Variants in CDH6 observed in about 807,000 individuals in gnomAD.
CDH6 encodes cadherin 6.
In CDH6, 31 loss-of-function variants were observed where a neutral mutation model predicts 78.0. The ratio of observed to expected loss-of-function variants is 0.40; its 90% confidence interval spans 0.30 to 0.54. The LOEUF is 0.54. Ranked by LOEUF, CDH6 falls within the 20% of genes least tolerant of loss-of-function variation. The pLI is 0.56. For missense variants in CDH6, 724 were observed against 975.9 expected (o/e 0.74, Z 3.44); for synonymous variants, 376 against 368.8 (o/e 1.02, Z -0.23).
intron 2 of CDH6, among the ~76,000 whole-genome samples, chr5:31,283,091 G>T (rs760945549): frequency 6.6e-6 from 1 of 152,118 alleles, no homozygotes; most frequent in Non-Finnish European, 1.5e-5. Flanking sequence ...TGACCCCAGG[G>T]GACATTTGGA....
At chr5:31,227,085 G>A (rs1370011189) in intron 1 of CDH6, among the ~76,000 whole-genome samples, 1 of 152,124 alleles carries the variant, frequency 6.6e-6, no homozygotes, top group Non-Finnish European at 1.5e-5. Flanking sequence ...TTAAAACAGG[G>A]CTCCTCAAAC....
At chr5:31,274,092 G>A (rs1354734149) in intron 2 of CDH6, among the ~76,000 whole-genome samples, 1 of 152,112 alleles carries the variant, frequency 6.6e-6, no homozygotes, top group Admixed American at 6.6e-5. Context: ...CTATGAGTTA[G>A]CACATTTAAG....
chr5:31,318,797 C>T (rs1027326375), intron 11 of CDH6: 1 of 225,268 alleles, frequency 4.4e-6, no homozygotes, highest in Non-Finnish European at 8.9e-6. Flanking sequence ...GGGGGAAATA[C>T]TCTTTTTTAA....
rs958359089 is a variant in CDH6, at chr5:31,313,363, T to C, written c.1299T>C (p.Ile433=). The C allele has an allele frequency of 9.3e-6, 15 of 1,613,346 alleles. No individual in the cohort carries two copies. The highest frequency in any genetic ancestry group is 1.3e-5 in the Non-Finnish European group (15 of 1,179,278). ...CAGATATGGACAGAATATTCAACAT[T>C]GATTCTGGAAATGGTTCGATTTTTA... ...RHTDMDRIFN[I]DSGNGSIFTS... The change falls in exon 8 of 12, where the codon ATT becomes ATC. Residue 433 remains isoleucine, a synonymous_variant. Transcript: ENST00000265071.
At chr5:31,218,591 C>T (rs182356212) in intron 1 of CDH6, among the ~76,000 whole-genome samples, 3 of 152,278 alleles carry the variant, frequency 2.0e-5, no homozygotes, top group Admixed American at 6.5e-5. Flanking sequence ...GTGAGCCCCA[C>T]ATTCAGCCCA....
intron 1 of CDH6, among the ~76,000 whole-genome samples, chr5:31,240,703 A>C (rs373101631): frequency 1.3e-5 from 2 of 152,236 alleles, no homozygotes; most frequent in African/African-American, 4.8e-5. Flanking sequence ...ACAGAGTGCT[A>C]GGATTCATTC....
chr5:31,293,973 C>T lies in CDH6; in HGVS notation c.240C>T (p.Asp80=), dbSNP rs1176324825. 1 of 1,595,822 alleles carries T rather than the reference C, an allele frequency of 6.3e-7. No individual in the cohort carries two copies. Among genetic ancestry groups the T allele is most frequent in the South Asian group, 1.1e-5 (1 of 89,844 alleles). ...TTTTTCTACACTAGTTACATTCAGA[C>T]CAGGATAGAGGAGATGGATCACTTA... ...DYQYVGKLHS[D]QDRGDGSLKY... is the part of the protein sequence containing the mutation. The change falls in exon 3 of 12, where the codon GAC becomes GAT. Residue 80 remains aspartate (D), a synonymous_variant. Transcript: ENST00000265071.
Position 31,323,379 on chromosome 5 carries a change from C to T in CDH6, c.*71C>T, listed in dbSNP as rs1432883059. The T allele has an allele frequency of 6.6e-7, 1 of 1,508,646 alleles. No homozygotes were observed. The highest frequency in any genetic ancestry group is 9.0e-7 in the Non-Finnish European group (1 of 1,113,856). The allele number at this position is 1,508,646 out of a possible 1,614,324, so 93.5% of individuals were successfully genotyped here. ...GTGGCTATTTCTTTATATTTATCCA[C>T]TACTCCGTGAAGGCTTCTCTGTTCT... On this transcript the variant is annotated 3_prime_UTR_variant, in exon 12 of 12. Transcript: ENST00000265071.
At position 31,325,025 on chromosome 5, in the gene CDH6, T is replaced by C. The variant is rs1738592222; in HGVS notation, c.*1717T>C. 4.7e-6 allele frequency: 1 copy of C among 212,002 alleles called. No individual in the cohort carries two copies. The allele number at this position is 212,002 out of a possible 1,614,324, so 13.1% of individuals were successfully genotyped here. A position where few individuals can be genotyped will look rare whatever the true frequency, so the allele number is the denominator to read the frequency against. ...ACAAATAATTTTAGTGTCATTTCCA[T>C]TTGGGGATATTGTCATATCAGCACA... is the stretch of plus-strand genomic sequence containing the variant. On this transcript the variant is annotated 3_prime_UTR_variant, in exon 12 of 12. Transcript: ENST00000265071.
intron 1 of CDH6, 103 bp from the exon 2 acceptor site, chr5:31,267,243 T>C: frequency 2.0e-6 from 1 of 495,580 alleles, no homozygotes; most frequent in Non-Finnish European, 3.6e-6. Flanking sequence ...TTTTTTGTTG[T>C]TTTGCTATTC....
At chr5:31,211,105 G>A (rs1375926220) in intron 1 of CDH6, among the ~76,000 whole-genome samples, 1 of 152,098 alleles carries the variant, frequency 6.6e-6, no homozygotes, top group Non-Finnish European at 1.5e-5. Context: ...GTTTGTTTTG[G>A]GAATAGACTG....
chr5:31,273,707 A>G (rs911133033), intron 2 of CDH6, among the ~76,000 whole-genome samples: 1 of 151,762 alleles, frequency 6.6e-6, no homozygotes, highest in South Asian at 2.1e-4. Flanking sequence ...CTTATTGAGA[A>G]TCTATTGTGT....
rs56944568 is a variant in CDH6 at position 31,214,781 on chromosome 5, C to T, written c.-129+20895C>T. On this transcript the variant is annotated intron_variant, in intron 1 of 11. Transcript: ENST00000265071. ...TGATTTCATACTATAACATTCATCT[C>T]GCTACTTTCAAAATGTCTAGCTTCA... 1.3e-3 allele frequency among the ~76,000 whole-genome samples: 197 copies of T among 152,256 alleles called. 6 individuals are homozygous for T. The South Asian group carries it at 0.022, about 17-fold the overall frequency.
chr5:31,252,111 C>A (rs978311888), intron 1 of CDH6, among the ~76,000 whole-genome samples: 1 of 152,170 alleles, frequency 6.6e-6, no homozygotes, highest in Non-Finnish European at 1.5e-5. Flanking sequence ...TATTGCACTT[C>A]TGGCATTATC....
chr5:31,273,646 C>T (rs1579871954), intron 2 of CDH6, among the ~76,000 whole-genome samples: 1 of 152,242 alleles, frequency 6.6e-6, no homozygotes, highest in East Asian at 1.9e-4. Context: ...GAAAAAAACC[C>T]GGAACATGCG....
chr5:31,255,705 C>T (rs1443874147), intron 1 of CDH6, among the ~76,000 whole-genome samples: 1 of 152,184 alleles, frequency 6.6e-6, no homozygotes, highest in Admixed American at 6.5e-5. Context: ...TAGTTAGTCT[C>T]AGGGAAGAAA....
intron 2 of CDH6, among the ~76,000 whole-genome samples, chr5:31,291,347 G>A (rs1018974339): frequency 6.6e-6 from 1 of 152,080 alleles, no homozygotes; most frequent in African/African-American, 2.4e-5. Context: ...AGTTAATAAC[G>A]GTAGCACTCT....
intron 1 of CDH6, among the ~76,000 whole-genome samples, chr5:31,225,500 A>G (rs998878650): frequency 6.6e-6 from 1 of 152,182 alleles, no homozygotes; most frequent in Non-Finnish European, 1.5e-5. Flanking sequence ...CAGGCTGTAC[A>G]GGAAGCATGG....
intron 1 of CDH6, among the ~76,000 whole-genome samples, chr5:31,225,489 A>G (rs1741127902): frequency 6.6e-6 from 1 of 152,172 alleles, no homozygotes; most frequent in Non-Finnish European, 1.5e-5. Flanking sequence ...TCACAGTTCC[A>G]CAGGCTGTAC....
Sources: gnomAD v4.1 joint callset for allele counts (sites outside exome capture counted in the v4.1 genomes callset) on GRCh38, gnomAD v4.1.1 for gene constraint, MANE v1.5 for transcripts, NCBI Gene and HGNC (gene_info 2026-07-23, HGNC 2026-07-21) for gene names.